The following GPHN variants were observed in gnomAD, a reference collection of about 807,000 sequenced individuals.
The protein encoded by GPHN is gephyrin.
Under a neutral mutation model 95.5 loss-of-function variants are expected in GPHN, and 17 were observed. That is an observed-to-expected ratio of 0.18 (90% CI 0.12 to 0.27). GPHN has a LOEUF of 0.27. Ranked by LOEUF, GPHN falls within the 10% of genes least tolerant of loss-of-function variation. GPHN has a pLI of 1.00. For missense variants in GPHN, 660 were observed against 978.1 expected, an observed-to-expected ratio of 0.67 and a Z score of 4.34; for synonymous variants, 320 against 322.5, an observed-to-expected ratio of 0.99 and a Z score of 0.08.
the GPHN span, among the ~76,000 whole-genome samples, chr14:67,559,410 A>C: frequency 6.6e-6 from 1 of 152,144 alleles, no homozygotes; most frequent in Non-Finnish European, 1.5e-5. Context: ...TTCGTGGTGA[A>C]CACTTAGACT....
chr14:67,537,912 AGCAG>A, the GPHN span, among the ~76,000 whole-genome samples: 1 of 152,176 alleles, frequency 6.6e-6, no homozygotes, highest in South Asian at 2.1e-4. Flanking sequence ...GGGATGCCAA[AGCAG>A]GTATCAAGAC....
At chr14:66,745,122 C>G (rs955361585) in intron 2 of GPHN, among the ~76,000 whole-genome samples, 1 of 152,038 alleles carries the variant, frequency 6.6e-6, no homozygotes, top group Non-Finnish European at 1.5e-5. Flanking sequence ...ATTATTTTCA[C>G]CTTTTGCTGC....
chr14:66,728,895 G>A (rs968374015), intron 2 of GPHN, among the ~76,000 whole-genome samples: 2 of 152,098 alleles, frequency 1.3e-5, no homozygotes, highest in Non-Finnish European at 2.9e-5. Context: ...GGAATGATAT[G>A]GTTTGGCTGT....
chr14:67,123,202 A>G (rs537435429), intron 17 of GPHN, among the ~76,000 whole-genome samples: 4 of 152,332 alleles, frequency 2.6e-5, no homozygotes, highest in East Asian at 1.9e-4. Flanking sequence ...TTTCTCTCTT[A>G]TCACTACCTC....
chr14:67,157,111 GA>G (rs1173909067), intron 18 of GPHN, among the ~76,000 whole-genome samples: 1 of 150,802 alleles, frequency 6.6e-6, no homozygotes, highest in African/African-American at 2.4e-5. Flanking sequence ...TAAAGACATA[GA>G]AAACTGAAAG....
chr14:67,161,025 T>C (rs1049347931), intron 19 of GPHN, among the ~76,000 whole-genome samples: 1 of 152,234 alleles, frequency 6.6e-6, no homozygotes, highest in Non-Finnish European at 1.5e-5. Flanking sequence ...GCATGGTGGC[T>C]CACGCCTATA....
intron 1 of GPHN, among the ~76,000 whole-genome samples, chr14:66,676,101 A>T (rs2066572487): frequency 1.3e-5 from 2 of 152,120 alleles, no homozygotes; most frequent in African/African-American, 4.8e-5. Flanking sequence ...TTTCTAGTTT[A>T]GTCATCATCT....
chr14:67,524,396 G>C, the GPHN span, among the ~76,000 whole-genome samples: 1 of 152,172 alleles, frequency 6.6e-6, no homozygotes, highest in Non-Finnish European at 1.5e-5. Context: ...CAAAGGTCAG[G>C]TCATGAGGTC....
chr14:67,513,386 A>T, the GPHN span, among the ~76,000 whole-genome samples: 1 of 152,162 alleles, frequency 6.6e-6, no homozygotes, highest in Non-Finnish European at 1.5e-5. Context: ...TTAGCCACAA[A>T]TTGCAGGGCC....
chr14:67,662,359 A>G, the GPHN span: 2 of 955,462 alleles, frequency 2.1e-6, no homozygotes, highest in South Asian at 3.0e-5. Context: ...ATTTAGTAAG[A>G]AATAGTCAAA....
intron 10 of GPHN, among the ~76,000 whole-genome samples, chr14:67,024,861 A>G (rs377727773): frequency 6.6e-6 from 1 of 152,086 alleles, no homozygotes; most frequent in South Asian, 2.1e-4. Context: ...CAAAGGTAAA[A>G]ATTCATGGGG....
chr14:67,225,518 A>T, the GPHN span, among the ~76,000 whole-genome samples: 2 of 152,220 alleles, frequency 1.3e-5, no homozygotes, highest in Non-Finnish European at 2.9e-5. Flanking sequence ...TATGTGCTGC[A>T]CTACCATAGC....
the GPHN span, among the ~76,000 whole-genome samples, chr14:67,244,597 T>C: frequency 6.6e-6 from 1 of 152,214 alleles, no homozygotes; most frequent in African/African-American, 2.4e-5. Context: ...CACCTATCCA[T>C]TCACCAGTTG....
At chr14:67,671,510 A>C in the GPHN span, among the ~76,000 whole-genome samples, 3 of 152,162 alleles carry the variant, frequency 2.0e-5, no homozygotes, top group African/African-American at 7.2e-5. Flanking sequence ...TGGGCGACAG[A>C]GCAAGACTCT....
chr14:67,440,929 G>A, the GPHN span, among the ~76,000 whole-genome samples: 1 of 152,126 alleles, frequency 6.6e-6, no homozygotes, highest in African/African-American at 2.4e-5. Context: ...CCTAACTCTT[G>A]TAGTGTCATT....
chr14:66,940,922 A>G (rs567183649), intron 8 of GPHN, among the ~76,000 whole-genome samples: 3 of 152,288 alleles, frequency 2.0e-5, no homozygotes, highest in African/African-American at 7.2e-5. Context: ...ACTGTTGGCT[A>G]TATTCATGCT....
intron 17 of GPHN, among the ~76,000 whole-genome samples, chr14:67,129,936 T>A (rs1347311518): frequency 1.3e-5 from 2 of 152,100 alleles, no homozygotes; most frequent in Non-Finnish European, 1.5e-5. Context: ...ATCAACTATT[T>A]TACCTCATCT....
chr14:67,650,036 A>C, the GPHN span: 1 of 152,332 alleles, frequency 6.6e-6, no homozygotes, highest in Admixed American at 6.5e-5. Context: ...ACCTTAACAG[A>C]AGGTAACTGA....
At chr14:67,443,046 C>T in the GPHN span, among the ~76,000 whole-genome samples, 30 of 152,200 alleles carry the variant, frequency 2.0e-4, no homozygotes, top group African/African-American at 7.0e-4. Flanking sequence ...AATGGTAAAA[C>T]CCTGTCTCTG....
Sources: allele counts gnomAD v4.1 joint callset (sites outside exome capture counted in the v4.1 genomes callset), GRCh38; gene constraint gnomAD v4.1.1; transcripts MANE v1.5; gene names NCBI Gene and HGNC (gene_info 2026-07-23, HGNC 2026-07-21).